The following SAMD7 variants were observed in gnomAD, a reference collection of about 807,000 sequenced individuals.
The protein encoded by SAMD7 is sterile alpha motif domain-containing protein 7.
A neutral mutation model predicts 36.7 loss-of-function variants in SAMD7; 34 were observed. That is an observed-to-expected ratio of 0.93 (90% CI 0.71 to 1.23). The LOEUF (loss-of-function observed/expected upper bound fraction) is 1.23. Ranked by LOEUF, SAMD7 falls within the 50% of genes most tolerant of loss-of-function variation. The pLI is 0.00. For synonymous variants in SAMD7, 188 were observed against 189.7 expected, an observed-to-expected ratio of 0.99 and a Z score of 0.07; for missense variants, 570 against 546.6, an observed-to-expected ratio of 1.04 and a Z score of -0.43.
intron 6 of SAMD7, among the ~76,000 whole-genome samples, chr3:169,928,040 A>G (rs1365986534): frequency 2.0e-5 from 3 of 152,234 alleles, no homozygotes; most frequent in Admixed American, 6.5e-5. Context: ...TGTGAAGGGC[A>G]TGTAATACAG....
chr3:169,926,171 G>A, intron 5 of SAMD7: 1 of 743,704 alleles, frequency 1.3e-6, no homozygotes, highest in Non-Finnish European at 2.0e-6. Context: ...GACTTGCAAT[G>A]TCTAATTGTC....
intron 7 of SAMD7, among the ~76,000 whole-genome samples, chr3:169,929,599 T>C (rs1000242824): frequency 1.3e-5 from 2 of 152,232 alleles, no homozygotes; most frequent in African/African-American, 4.8e-5. Context: ...TTCTATTTTC[T>C]GGTTGTGTGA....
chr3:169,919,732 G>C, intron 3 of SAMD7, 148 bp downstream of exon 3: 1 of 704,860 alleles, frequency 1.4e-6, no homozygotes, highest in Non-Finnish European at 2.5e-6. Flanking sequence ...CACCCTGCTG[G>C]CCTCACCTTC....
intron 7 of SAMD7, chr3:169,931,882 C>G: frequency 4.5e-6 from 1 of 220,668 alleles, no homozygotes; most frequent in Non-Finnish European, 9.2e-6. Context: ...GAAGGTGCAT[C>G]CACAAATGGA....
intron 4 of SAMD7, 49 bp from the exon 5 acceptor site, chr3:169,925,009 C>T (rs1275426034): frequency 1.8e-6 from 2 of 1,081,132 alleles, no homozygotes; most frequent in Non-Finnish European, 2.8e-6. Flanking sequence ...TTTTCAAATG[C>T]ATGTTTTTAA....
At chr3:169,925,587 G>T (rs919572362) in intron 5 of SAMD7, among the ~76,000 whole-genome samples, 13 of 152,002 alleles carry the variant, frequency 8.6e-5, no homozygotes, top group Non-Finnish European at 1.5e-4. Flanking sequence ...ACCAGCCAGG[G>T]GTGGTGGCAG....
intron 2 of SAMD7, among the ~76,000 whole-genome samples, chr3:169,916,267 G>A (rs887596638): frequency 6.6e-6 from 1 of 152,164 alleles, no homozygotes; most frequent in African/African-American, 2.4e-5. Context: ...AGAGGCTAGG[G>A]GGTGATGGAA....
chr3:169,922,935 C>T (rs569387924), intron 4 of SAMD7, among the ~76,000 whole-genome samples: 19 of 152,318 alleles, frequency 1.2e-4, no homozygotes, highest in East Asian at 9.6e-4. Flanking sequence ...TTAGATTTAG[C>T]GCCATGTGGC....
At chr3:169,918,750 A>C (rs1026566291) in intron 2 of SAMD7, among the ~76,000 whole-genome samples, 1 of 152,250 alleles carries the variant, frequency 6.6e-6, no homozygotes, top group Non-Finnish European at 1.5e-5. Flanking sequence ...TTCTGGTGTT[A>C]AATCTTATCA....
Position 169,938,775 on chromosome 3 carries a change from C to A in SAMD7, c.*269C>A. On this transcript the variant is annotated 3_prime_UTR_variant, in exon 9 of 9. Transcript: ENST00000335556. ...CAAGAAAGCTGCAGATGGATGTTTC[C>A]ATGAAGAAATCTCTGAAGAAACCAA... The A allele has an allele frequency of 3.2e-6, 1 of 310,140 alleles. No individual in the cohort carries two copies. The highest frequency in any genetic ancestry group is 5.8e-6 in the Non-Finnish European group (1 of 171,308). The allele number at this position is 310,140 out of a possible 1,614,324, so 19.2% of individuals were successfully genotyped here. A position where few individuals can be genotyped will look rare whatever the true frequency, so the allele number is the denominator to read the frequency against.
chr3:169,924,798 A>G (rs1290450638), intron 4 of SAMD7, among the ~76,000 whole-genome samples: 2 of 152,230 alleles, frequency 1.3e-5, no homozygotes, highest in African/African-American at 4.8e-5. Context: ...TTCCTATTAA[A>G]GTATGGCAGG....
chr3:169,917,625 G>GTTTATTTATTTATTTA lies in SAMD7; in HGVS notation c.-41-1817_-41-1802dup, dbSNP rs61311120. ...TAGTTATTTTTATTTTTATTTGTTT[G>GTTTATTTATTTATTTA]TTTATTTATTTATTTATTTATTTAT... On this transcript the variant is annotated intron_variant, in intron 2 of 8. Transcript: ENST00000335556. Among the ~76,000 whole-genome samples, 864 of 146,116 alleles carry GTTTATTTATTTATTTA rather than the reference G, an allele frequency of 5.9e-3. 9 individuals carry two copies. Among genetic ancestry groups the GTTTATTTATTTATTTA allele is most frequent in the Middle Eastern group, 0.032 (9 of 284 alleles).
In SAMD7 at chr3:169,938,424, C is replaced by A. The variant is rs1317118761; in HGVS notation, c.1259C>A (p.Ser420Tyr). The A allele has an allele frequency of 1.9e-6, 3 of 1,612,058 alleles. No homozygotes were observed. The highest frequency in any genetic ancestry group is 3.3e-5 in the Admixed American group (2 of 60,018). Reference protein sequence around the residue: ...ADTSPLLDPNSWSDTMNIFCP... With the variant: ...ADTSPLLDPNYWSDTMNIFCP... ...ACATCCCCTCTTCTGGATCCTAATT[C>A]CTGGAGTGATACAATGAACATTTTT... Residue 420 changes from serine (S) to tyrosine (Y), a missense_variant, in exon 9 of 9, where the codon TCC becomes TAC. Transcript: ENST00000335556.
intron 2 of SAMD7, among the ~76,000 whole-genome samples, chr3:169,916,129 C>T (rs1331324835): frequency 3.3e-5 from 5 of 152,080 alleles, no homozygotes; most frequent in Non-Finnish European, 5.9e-5. Context: ...GCACAATGGA[C>T]GAACCTGAAG....
intron 2 of SAMD7, 67 bp from the exon 3 acceptor site, chr3:169,919,391 A>T: frequency 1.2e-6 from 1 of 866,376 alleles, no homozygotes; most frequent in Non-Finnish European, 1.9e-6. Context: ...TATTGTGTTC[A>T]AGAAGAATTC....
At chr3:169,917,625 G>GTTTATCTATTTA (rs1672377820) in intron 2 of SAMD7, among the ~76,000 whole-genome samples, 1 of 146,028 alleles carries the variant, frequency 6.8e-6, no homozygotes, top group Non-Finnish European at 1.5e-5. Flanking sequence ...TTATTTGTTT[G>GTTTATCTATTTA]TTTATTTATT....
At chr3:169,921,068 TAA>T in intron 3 of SAMD7, 144 bp from the exon 4 acceptor site, 1 of 694,490 alleles carries the variant, frequency 1.4e-6, no homozygotes, top group Non-Finnish European at 2.4e-6. Context: ...CATAAATTCA[TAA>T]AGACTCCAGG....
At chr3:169,933,371 C>T (rs559264234) in intron 7 of SAMD7, 1 of 303,870 alleles carries the variant, frequency 3.3e-6, no homozygotes, top group Non-Finnish European at 6.2e-6. Flanking sequence ...CCTTGGATGT[C>T]TTTGGTGTTT....
At chr3:169,928,818 A>G (rs186388349) in intron 7 of SAMD7, among the ~76,000 whole-genome samples, 27 of 152,228 alleles carry the variant, frequency 1.8e-4, no homozygotes, top group African/African-American at 6.5e-4. Context: ...CTTTCCTATC[A>G]AGACTCCTAA....
Sources: gnomAD v4.1 joint callset for allele counts (sites outside exome capture counted in the v4.1 genomes callset) on GRCh38, gnomAD v4.1.1 for gene constraint, MANE v1.5 for transcripts, NCBI Gene and HGNC (gene_info 2026-07-23, HGNC 2026-07-21) for gene names.